GRID1: variants seen among roughly 807,000 people sequenced by gnomAD.
The protein encoded by GRID1 is glutamate ionotropic receptor delta type subunit 1, also known as glutamate receptor ionotropic, delta-1.
A neutral mutation model predicts 98.0 loss-of-function variants in GRID1; 28 were observed. The ratio of observed to expected loss-of-function variants is 0.29; its 90% CI spans 0.21 to 0.39. The LOEUF is 0.39. GRID1 is among the 10% of genes least tolerant of loss of function. GRID1 has a pLI of 1.00. For synonymous variants in GRID1, 553 were observed against 538.5 expected, an observed-to-expected ratio of 1.03 and a Z score of -0.37; for missense variants, 1,111 against 1,340.5, an observed-to-expected ratio of 0.83 and a Z score of 2.67.
chr10:86,229,681 A>C (rs1460865788), intron 2 of GRID1, among the ~76,000 whole-genome samples: 1 of 152,140 alleles, frequency 6.6e-6, no homozygotes, highest in Non-Finnish European at 1.5e-5. Context: ...CCTGGAGTTC[A>C]ACTCATCTGG....
intron 8 of GRID1, among the ~76,000 whole-genome samples, chr10:85,749,942 A>G (rs1842030683): frequency 1.3e-5 from 2 of 152,214 alleles, no homozygotes; most frequent in African/African-American, 4.8e-5. Flanking sequence ...AAAATGATCC[A>G]ACTTATTTTA....
intron 4 of GRID1, among the ~76,000 whole-genome samples, chr10:86,008,590 A>G (rs1330391655): frequency 6.6e-6 from 1 of 151,770 alleles, no homozygotes; most frequent in Non-Finnish European, 1.5e-5. Context: ...AAATGAGCAA[A>G]GACACAAATG....
At chr10:86,060,809 G>C (rs1843637990) in intron 4 of GRID1, among the ~76,000 whole-genome samples, 1 of 152,146 alleles carries the variant, frequency 6.6e-6, no homozygotes, top group Non-Finnish European at 1.5e-5. Context: ...TGGCCAGCAA[G>C]CTCCTTGGAT....
At chr10:85,963,494 T>C (rs902473062) in intron 4 of GRID1, among the ~76,000 whole-genome samples, 8 of 152,154 alleles carry the variant, frequency 5.3e-5, no homozygotes, top group Non-Finnish European at 5.9e-5. Flanking sequence ...TGCTCAAACC[T>C]CTGCTAAGGC....
At chr10:86,095,952 G>A (rs549437455) in intron 4 of GRID1, among the ~76,000 whole-genome samples, 1 of 152,280 alleles carries the variant, frequency 6.6e-6, no homozygotes, top group South Asian at 2.1e-4. Context: ...GCAAAATCAT[G>A]GAACCAACCC....
Position 85,919,524 on chromosome 10 carries a change from G to A in GRID1, c.727-3285C>T, listed in dbSNP as rs557139026. Among the ~76,000 whole-genome samples, 15 of 152,180 alleles carry A rather than the reference G, an allele frequency of 9.9e-5. No individual in the cohort carries two copies. The East Asian group carries it at 1.4e-3, about 14-fold the overall frequency. On this transcript the variant is annotated intron_variant, in intron 4 of 15. Coordinates refer to ENST00000327946, the MANE Select transcript of GRID1 (RefSeq NM_017551.3). The stretch of plus-strand genomic sequence containing the variant: ...GCCTCCCCCTGTCCCCCATCAACCC[G>A]CGCCACTCCAGCAATTACTGGAGGG...
At chr10:86,089,728 A>G (rs1287548385) in intron 4 of GRID1, among the ~76,000 whole-genome samples, 1 of 152,178 alleles carries the variant, frequency 6.6e-6, no homozygotes, top group East Asian at 1.9e-4. Context: ...CAATATATAA[A>G]GAAGGACCAA....
At chr10:85,713,632 A>T (rs1443945665) in intron 12 of GRID1, among the ~76,000 whole-genome samples, 1 of 28,202 alleles carries the variant, frequency 3.5e-5, no homozygotes, top group Non-Finnish European at 8.5e-5. Flanking sequence ...ATAGCACATT[A>T]AAAAAAAAAA....
chr10:86,214,082 T>C (rs1230486977), intron 2 of GRID1, among the ~76,000 whole-genome samples: 1 of 152,174 alleles, frequency 6.6e-6, no homozygotes, highest in Non-Finnish European at 1.5e-5. Context: ...GGACACACTG[T>C]CCATTCTACA....
chr10:86,296,798 CA>C (rs1847599337), intron 2 of GRID1, among the ~76,000 whole-genome samples: 2 of 123,028 alleles, frequency 1.6e-5, no homozygotes, highest in Non-Finnish European at 3.2e-5. Flanking sequence ...TACATACATA[CA>C]TACATACATA....
intron 4 of GRID1, among the ~76,000 whole-genome samples, chr10:86,036,073 G>A (rs886944092): frequency 6.6e-6 from 1 of 152,194 alleles, no homozygotes; most frequent in South Asian, 2.1e-4. Flanking sequence ...GATCAGCCTG[G>A]TATATGGAGA....
chr10:86,164,835 C>T (rs1468342379), intron 3 of GRID1, among the ~76,000 whole-genome samples: 1 of 152,088 alleles, frequency 6.6e-6, no homozygotes, highest in Non-Finnish European at 1.5e-5. Context: ...TCTTGGGGCC[C>T]CAAGGGGTAG....
At chr10:86,069,524 T>C (rs1293513995) in intron 4 of GRID1, among the ~76,000 whole-genome samples, 1 of 152,126 alleles carries the variant, frequency 6.6e-6, no homozygotes, top group South Asian at 2.1e-4. Context: ...GGCGGGTGCC[T>C]GTAGTTCCAG....
chr10:85,659,597 C>A (rs1465802522), intron 12 of GRID1, among the ~76,000 whole-genome samples: 1 of 152,198 alleles, frequency 6.6e-6, no homozygotes, highest in African/African-American at 2.4e-5. Flanking sequence ...TTGAACAATG[C>A]AAAACCAGCT....
intron 12 of GRID1, among the ~76,000 whole-genome samples, chr10:85,675,701 T>C (rs1389737856): frequency 6.6e-6 from 1 of 152,236 alleles, no homozygotes; most frequent in African/African-American, 2.4e-5. Context: ...AGAAGAATAA[T>C]GTTCTTTCAA....
At chr10:86,138,633 T>C (rs1417388168) in intron 4 of GRID1, among the ~76,000 whole-genome samples, 186 bp downstream of exon 4, 2 of 152,234 alleles carry the variant, frequency 1.3e-5, no homozygotes, top group African/African-American at 2.4e-5. Flanking sequence ...GTCAGGGAAC[T>C]ATCAGGAGCC....
intron 3 of GRID1, among the ~76,000 whole-genome samples, chr10:86,161,178 G>A (rs1435442568): frequency 3.3e-5 from 5 of 152,228 alleles, no homozygotes; most frequent in African/African-American, 1.2e-4. Flanking sequence ...ACTAAGGTGT[G>A]AGCCATGCTT....
intron 5 of GRID1, among the ~76,000 whole-genome samples, chr10:85,884,004 G>A (rs938984114): frequency 1.1e-4 from 17 of 152,000 alleles, no homozygotes; most frequent in African/African-American, 3.4e-4. Flanking sequence ...TATCTCATAC[G>A]TCCTATTCCT....
At chr10:85,653,395 G>A (rs1343764192) in intron 12 of GRID1, among the ~76,000 whole-genome samples, 2 of 151,270 alleles carry the variant, frequency 1.3e-5, no homozygotes, top group Non-Finnish European at 2.9e-5. Flanking sequence ...GGACTAAGAG[G>A]AGCAGAGAGG....
Sources: allele counts gnomAD v4.1 joint callset (sites outside exome capture counted in the v4.1 genomes callset), GRCh38; gene constraint gnomAD v4.1.1; transcripts MANE v1.5; gene names NCBI Gene and HGNC (gene_info 2026-07-23, HGNC 2026-07-21).